Variants in DCC observed in about 807,000 individuals in gnomAD.
DCC encodes netrin receptor DCC.
Under a neutral mutation model 172.5 loss-of-function variants are expected in DCC, and 58 were observed. The ratio of observed to expected loss-of-function variants is 0.34; its 90% CI spans 0.27 to 0.42. DCC has a LOEUF of 0.42. Ranked by LOEUF, DCC falls within the 10% of genes least tolerant of loss-of-function variation. The pLI, the probability that DCC is intolerant of heterozygous loss-of-function variation, is 1.00. For missense variants in DCC, 1,740 were observed against 1,791.0 expected, an observed-to-expected ratio of 0.97 and a Z score of 0.51; for synonymous variants, 709 against 644.5, an observed-to-expected ratio of 1.10 and a Z score of -1.52.
intron 2 of DCC, among the ~76,000 whole-genome samples, chr18:52,865,575 T>C (rs2039212926): frequency 6.6e-6 from 1 of 152,152 alleles, no homozygotes; most frequent in Non-Finnish European, 1.5e-5. Flanking sequence ...TTGATTAGTA[T>C]TTATTAGTAT....
In DCC at chr18:53,132,402, A is replaced by G. The variant is rs775506317; in HGVS notation, c.1262-24954A>G. On this transcript the variant is annotated intron_variant, in intron 7 of 28. Transcript: ENST00000442544. The stretch of plus-strand genomic sequence containing the variant: ...GCTCCAGCACACTGCGGAAGCTATC[A>G]GACATTCACATTTCATCTAGAAAGA... Among the ~76,000 whole-genome samples, 34 of 152,196 alleles carry G rather than the reference A, an allele frequency of 2.2e-4. 1 individual carries two copies. The highest frequency in any genetic ancestry group is 4.0e-4 in the Non-Finnish European group (27 of 68,006).
intron 1 of DCC, among the ~76,000 whole-genome samples, chr18:52,736,280 T>TA (rs11442996): frequency 0.37 from 48,214 of 131,608 alleles, 8,016 homozygotes; most frequent in Admixed American, 0.44. Flanking sequence ...ACTGTAAACA[T>TA]AAAAAAAAAA....
chr18:53,382,069 A>AACACAC (rs61553123), intron 15 of DCC, among the ~76,000 whole-genome samples: 22,223 of 122,528 alleles, frequency 0.18, 1,817 homozygotes, highest in East Asian at 0.36. Context: ...GATTAAAAAC[A>AACACAC]ACACACACAC....
chr18:53,066,784 G>A (rs2042576836), intron 7 of DCC, among the ~76,000 whole-genome samples: 1 of 152,074 alleles, frequency 6.6e-6, no homozygotes, highest in Non-Finnish European at 1.5e-5. Context: ...ATAAAGAAAA[G>A]AGGTTTAATT....
At chr18:53,386,628 T>G (rs1328376559) in intron 16 of DCC, among the ~76,000 whole-genome samples, 1 of 152,114 alleles carries the variant, frequency 6.6e-6, no homozygotes, top group African/African-American at 2.4e-5. Flanking sequence ...GAGTGACATA[T>G]GTGGTATCTT....
At chr18:53,135,574 C>T (rs905757079) in intron 7 of DCC, among the ~76,000 whole-genome samples, 7 of 152,190 alleles carry the variant, frequency 4.6e-5, no homozygotes, top group East Asian at 1.9e-4. Flanking sequence ...GGTACAGTTA[C>T]GAATATTGCC....
chr18:53,406,992 TTGCTCAGA>T (rs1018145743), intron 19 of DCC, among the ~76,000 whole-genome samples: 23 of 152,298 alleles, frequency 1.5e-4, no homozygotes, highest in African/African-American at 5.5e-4. Flanking sequence ...TATAAGGAAT[TTGCTCAGA>T]TACAATTTGG....
At chr18:52,363,628 A>G (rs751907129) in intron 1 of DCC, among the ~76,000 whole-genome samples, 8 of 152,202 alleles carry the variant, frequency 5.3e-5, no homozygotes, top group Non-Finnish European at 1.0e-4. Flanking sequence ...CACAAGGCCA[A>G]AAAAGAGAAC....
chr18:52,647,998 T>C (rs2035051395), intron 1 of DCC, among the ~76,000 whole-genome samples: 1 of 152,220 alleles, frequency 6.6e-6, no homozygotes, highest in Admixed American at 6.5e-5. Context: ...AAAATGTTTA[T>C]GGATGTGCTG....
chr18:52,604,371 C>T (rs2034087074), intron 1 of DCC, among the ~76,000 whole-genome samples: 1 of 152,110 alleles, frequency 6.6e-6, no homozygotes, highest in African/African-American at 2.4e-5. Flanking sequence ...ATTTCAGCCA[C>T]CTACCAGAAA....
intron 1 of DCC, among the ~76,000 whole-genome samples, chr18:52,556,286 C>T (rs1358834187): frequency 1.3e-5 from 2 of 152,072 alleles, no homozygotes; most frequent in Admixed American, 6.6e-5. Flanking sequence ...GAATCATTGC[C>T]ATAACTATAT....
At chr18:52,399,319 C>T (rs1986350491) in intron 1 of DCC, among the ~76,000 whole-genome samples, 1 of 151,910 alleles carries the variant, frequency 6.6e-6, no homozygotes, top group African/African-American at 2.4e-5. Context: ...GATAACTTTC[C>T]AGCATTGTCT....
intron 1 of DCC, among the ~76,000 whole-genome samples, chr18:52,666,837 AAGAAAATACTTTTTTCCCC>A (rs2035466038): frequency 6.6e-6 from 1 of 152,214 alleles, no homozygotes; most frequent in South Asian, 2.1e-4. Flanking sequence ...TTATAATTTG[AAGAAAATACTTTTTTCCCC>A]AGAAAATACT....
At chr18:53,073,245 G>A (rs2042679387) in intron 7 of DCC, among the ~76,000 whole-genome samples, 3 of 152,242 alleles carry the variant, frequency 2.0e-5, no homozygotes, top group South Asian at 4.2e-4. Flanking sequence ...ATAAAAATAG[G>A]CCCGGCGCGG....
intron 1 of DCC, among the ~76,000 whole-genome samples, chr18:52,505,536 T>C (rs1290765256): frequency 6.6e-6 from 1 of 152,312 alleles, no homozygotes; most frequent in Non-Finnish European, 1.5e-5. Context: ...GTTATATATA[T>C]ATACACACAT....
At chr18:53,335,336 A>G (rs1433194142) in intron 14 of DCC, among the ~76,000 whole-genome samples, 2 of 152,166 alleles carry the variant, frequency 1.3e-5, no homozygotes, top group Non-Finnish European at 2.9e-5. Flanking sequence ...TTTGTTTATT[A>G]GGACTTATGT....
chr18:53,187,862 T>C (rs16956330), intron 9 of DCC, among the ~76,000 whole-genome samples: 14,887 of 152,218 alleles, frequency 0.098, 1,048 homozygotes, highest in African/African-American at 0.2. Context: ...GAGATTACCA[T>C]GAGTTAAAAT....
chr18:52,530,128 C>T (rs1013207909), intron 1 of DCC, among the ~76,000 whole-genome samples: 1 of 152,106 alleles, frequency 6.6e-6, no homozygotes, highest in Non-Finnish European at 1.5e-5. Flanking sequence ...TGTGTTCAAG[C>T]ACTTGTAGTT....
chr18:53,287,634 G>A (rs1406355050), intron 12 of DCC, among the ~76,000 whole-genome samples: 1 of 152,096 alleles, frequency 6.6e-6, no homozygotes, highest in Non-Finnish European at 1.5e-5. Flanking sequence ...AGCCAGTTGT[G>A]TGAAGATTCC....
Sources: allele counts gnomAD v4.1 joint callset (sites outside exome capture counted in the v4.1 genomes callset), GRCh38; gene constraint gnomAD v4.1.1; transcripts MANE v1.5; gene names NCBI Gene and HGNC (gene_info 2026-07-23, HGNC 2026-07-21).